The following USP8 variants were observed in gnomAD, a reference collection of about 807,000 sequenced individuals.
USP8 encodes ubiquitin carboxyl-terminal hydrolase 8.
Under a neutral mutation model 130.0 loss-of-function variants are expected in USP8, and 27 were observed. The ratio of observed to expected loss-of-function variants is 0.21; its 90% CI spans 0.15 to 0.29. The LOEUF (loss-of-function observed/expected upper bound fraction) is 0.29. Among genes scored for constraint, USP8 ranks in the 10% least tolerant of loss-of-function variants. The pLI is 1.00. For synonymous variants in USP8, 392 were observed against 444.1 expected, an observed-to-expected ratio of 0.88 and a Z score of 1.48; for missense variants, 1,029 against 1,312.2, an observed-to-expected ratio of 0.78 and a Z score of 3.33.
At chr15:50,447,158 T>C (rs1394993409) in intron 3 of USP8, among the ~76,000 whole-genome samples, 1 of 152,218 alleles carries the variant, frequency 6.6e-6, no homozygotes, top group Non-Finnish European at 1.5e-5. Context: ...GCAGTTTTCT[T>C]TAGAAAAATT....
At chr15:50,494,646 A>G (rs902730828) in intron 16 of USP8, among the ~76,000 whole-genome samples, 1 of 152,242 alleles carries the variant, frequency 6.6e-6, no homozygotes, top group African/African-American at 2.4e-5. Flanking sequence ...TATTGTACAT[A>G]TCCTTATTCT....
intron 1 of USP8, among the ~76,000 whole-genome samples, chr15:50,432,880 A>C (rs1328886232): frequency 3.3e-5 from 5 of 152,214 alleles, no homozygotes; most frequent in African/African-American, 7.2e-5. Context: ...AGAAAATACC[A>C]TACATTTTAG....
intron 1 of USP8, among the ~76,000 whole-genome samples, chr15:50,433,521 G>C (rs372228611): frequency 6.6e-6 from 1 of 152,128 alleles, no homozygotes. Context: ...TTACCTTTTA[G>C]TCTTCACTTT....
In USP8 at chr15:50,499,818, C is replaced by CAAAT. The variant is rs556294124; in HGVS notation, c.*732_*735dup. 17 of 152,058 alleles carry CAAAT rather than the reference C, an allele frequency of 1.1e-4. No individual in the cohort carries two copies. The East Asian group carries it at 3.3e-3, about 29-fold the overall frequency. The allele number at this position is 152,058 out of a possible 1,614,324, so 9.4% of individuals were successfully genotyped here. ...TGTTCTGTCTTTAATATTGTATTAT[C>CAAAT]AAATATAGGACAGTAAAACCATAGA... On this transcript the variant is annotated 3_prime_UTR_variant, in exon 20 of 20. Coordinates refer to ENST00000307179, the MANE Select transcript of USP8 (RefSeq NM_005154.5).
intron 1 of USP8, among the ~76,000 whole-genome samples, chr15:50,427,584 A>G (rs2049782396): frequency 3.2e-5 from 4 of 123,146 alleles, no homozygotes; most frequent in African/African-American, 3.1e-5. Flanking sequence ...TTTTTTTGAG[A>G]CGGAGTCTTG....
chr15:50,448,727 C>G (rs1258718031), intron 3 of USP8, among the ~76,000 whole-genome samples: 1 of 152,028 alleles, frequency 6.6e-6, no homozygotes, highest in Non-Finnish European at 1.5e-5. Context: ...ACCATGTTGG[C>G]CGGGCTGGTC....
intron 14 of USP8, among the ~76,000 whole-genome samples, chr15:50,491,188 T>G (rs72738977): frequency 0.094 from 14,375 of 152,170 alleles, 1,500 homozygotes; most frequent in African/African-American, 0.26. Context: ...TTTACTTACT[T>G]TTTTGGGAGG....
At position 50,436,669 on chromosome 15, in the gene USP8, TTTTG is replaced by T. The variant is rs201100641; in HGVS notation, c.-65-2332_-65-2329del. On this transcript the variant is annotated intron_variant, in intron 1 of 19. Coordinates refer to ENST00000307179, the MANE Select transcript of USP8 (RefSeq NM_005154.5). The stretch of plus-strand genomic sequence containing the variant: ...CCTGACATCATGCCCAGCTAATTTT[TTTTG>T]TTTGTTTTTTGTTTTTTGAGACAGT... 5.5e-3 allele frequency among the ~76,000 whole-genome samples: 831 copies of T among 151,852 alleles called. 1 individual carries two copies. The highest frequency in any genetic ancestry group is 8.6e-3 in the Non-Finnish European group (584 of 67,926).
intron 7 of USP8, chr15:50,466,945 CT>C (rs1051977741): frequency 9.0e-6 from 4 of 442,168 alleles, no homozygotes; most frequent in African/African-American, 2.0e-5. Flanking sequence ...AGAAAAACTC[CT>C]TTTGGTGACG....
chr15:50,479,563 C>CCAAATA lies in USP8; in HGVS notation c.1219-1916_1219-1915insAATACA, dbSNP rs2141301689. On this transcript the variant is annotated intron_variant, in intron 10 of 19. Transcript: ENST00000307179. ...TAAAATTAGGGAAAAATAGATCAAG[C>CCAAATA]CACCAAAATGTAAATGGAAACAACA... is the stretch of plus-strand genomic sequence containing the variant. Among the ~76,000 whole-genome samples the CCAAATA allele has an allele frequency of 2.6e-5, 4 of 152,150 alleles. No individual in the cohort carries two copies. In the East Asian group the frequency reaches 7.7e-4, roughly 29 times the overall value.
chr15:50,448,708 T>C (rs1467091168), intron 3 of USP8, among the ~76,000 whole-genome samples: 1 of 151,954 alleles, frequency 6.6e-6, no homozygotes, highest in Non-Finnish European at 1.5e-5. Context: ...TTAGTAGACA[T>C]GGGGTTTCAC....
intron 12 of USP8, among the ~76,000 whole-genome samples, chr15:50,488,425 C>T (rs1434260416): frequency 1.2e-4 from 18 of 152,012 alleles, no homozygotes; most frequent in Non-Finnish European, 1.5e-5. Context: ...GGCAGGAGTA[C>T]AGTGGCATGA....
At chr15:50,451,630 C>G (rs541559179) in intron 4 of USP8, among the ~76,000 whole-genome samples, 1 of 152,228 alleles carries the variant, frequency 6.6e-6, no homozygotes, top group South Asian at 2.1e-4. Flanking sequence ...TGTGGAGAAC[C>G]TTTTCACTGT....
chr15:50,425,453 G>A lies in USP8; in HGVS notation c.-66+939G>A, dbSNP rs536937136. Among the ~76,000 whole-genome samples, 4 of 152,332 alleles carry A rather than the reference G, an allele frequency of 2.6e-5. No homozygotes were observed. The South Asian group carries it at 8.3e-4, about 32-fold the overall frequency. On this transcript the variant is annotated intron_variant, in intron 1 of 19. Coordinates refer to ENST00000307179, the MANE Select transcript of USP8 (RefSeq NM_005154.5). ...AGATTTTTGCATTTCAGCCGATTCTGTTTAAGATTCGTTGGTGAATGTCAT... is the reference window on the plus strand; with the variant it reads ...AGATTTTTGCATTTCAGCCGATTCTATTTAAGATTCGTTGGTGAATGTCAT...
rs888572837 is a variant in USP8, at chr15:50,511,636, A to C, written c.*12548A>C. ...ATGCTATGACATGAATGAAACTTGA[A>C]AACATTATGCTGAATAAAAGAAAAT... On this transcript the variant is annotated 3_prime_UTR_variant, in exon 20 of 20. Transcript: ENST00000307179. 1 of 152,274 alleles carries C rather than the reference A, an allele frequency of 6.6e-6. No individual in the cohort carries two copies. Among genetic ancestry groups the C allele is most frequent in the Non-Finnish European group, 1.5e-5 (1 of 68,056 alleles). 9.4% of individuals were successfully genotyped at this position (152,274 alleles called of 1,614,324 possible).
intron 1 of USP8, 96 bp from the exon 2 acceptor site, chr15:50,438,913 A>G (rs956502686): frequency 7.8e-6 from 4 of 511,076 alleles, no homozygotes; most frequent in Admixed American, 7.5e-5. Flanking sequence ...TAACCCTGTT[A>G]GCAAAGGATA....
chr15:50,487,968 C>T (rs2052022812), intron 12 of USP8, among the ~76,000 whole-genome samples: 1 of 152,146 alleles, frequency 6.6e-6, no homozygotes, highest in South Asian at 2.1e-4. Context: ...TCATTTGTGC[C>T]AAGGGTTCAA....
chr15:50,463,058 G>A (rs1236163856), intron 6 of USP8, among the ~76,000 whole-genome samples: 2 of 152,044 alleles, frequency 1.3e-5, no homozygotes, highest in Non-Finnish European at 2.9e-5. Flanking sequence ...GACCAGCCTA[G>A]GTAACATGGT....
At chr15:50,452,896 C>T (rs572075362) in intron 4 of USP8, among the ~76,000 whole-genome samples, 2 of 152,178 alleles carry the variant, frequency 1.3e-5, no homozygotes, top group African/African-American at 2.4e-5. Flanking sequence ...TAACACCTTT[C>T]GTCCTGGCAC....
Sources: allele counts gnomAD v4.1 joint callset (sites outside exome capture counted in the v4.1 genomes callset), GRCh38; gene constraint gnomAD v4.1.1; transcripts MANE v1.5; gene names NCBI Gene and HGNC (gene_info 2026-07-23, HGNC 2026-07-21).